The following IFT56 variants were observed in gnomAD, a reference collection of about 807,000 sequenced individuals.
The protein encoded by IFT56 is intraflagellar transport 56, also known as intraflagellar transport protein 56.
the IFT56 span, among the ~76,000 whole-genome samples, chr7:139,187,142 T>G: frequency 6.7e-6 from 1 of 148,308 alleles, no homozygotes; most frequent in Non-Finnish European, 1.5e-5. Context: ...TGTAGCATAA[T>G]TTGACTCTAT....
At chr7:139,169,470 G>T in the IFT56 span, 2 of 877,060 alleles carry the variant, frequency 2.3e-6, no homozygotes, top group Non-Finnish European at 1.8e-6. Context: ...TATAAAGTGG[G>T]AGGTCAGAAA....
At chr7:139,157,139 CTTTTTTTTTTT>C in the IFT56 span, among the ~76,000 whole-genome samples, 166 of 82,142 alleles carry the variant, frequency 2.0e-3, 1 homozygote, top group African/African-American at 6.4e-3. Flanking sequence ...TCTTTAATTT[CTTTTTTTTTTT>C]TTTTTTTTTT....
At chr7:139,134,788 T>G in the IFT56 span, 1 of 1,613,082 alleles carries the variant, frequency 6.2e-7, no homozygotes, top group Non-Finnish European at 8.5e-7. Flanking sequence ...ATTACCCTGT[T>G]GGAGGTAATG....
the IFT56 span, chr7:139,174,270 G>A: frequency 1.7e-6 from 1 of 575,332 alleles, no homozygotes; most frequent in Non-Finnish European, 3.5e-6. Flanking sequence ...TAACAATCTG[G>A]GTCTGACGGC....
the IFT56 span, among the ~76,000 whole-genome samples, chr7:139,180,025 A>C: frequency 2.0e-5 from 3 of 152,240 alleles, no homozygotes; most frequent in Non-Finnish European, 4.4e-5. Flanking sequence ...AATGTCAAAA[A>C]TGTAATTTTT....
At chr7:139,188,288 G>A in the IFT56 span, among the ~76,000 whole-genome samples, 1 of 151,312 alleles carries the variant, frequency 6.6e-6, no homozygotes, top group Admixed American at 6.6e-5. Context: ...TTTAGTAGGG[G>A]CAGGGTTTCA....
the IFT56 span, chr7:139,173,062 T>A: frequency 1.4e-5 from 10 of 732,588 alleles, no homozygotes; most frequent in South Asian, 1.4e-4. Context: ...CAACTCAGCT[T>A]TGCGCCTTTT....
the IFT56 span, among the ~76,000 whole-genome samples, chr7:139,153,123 C>G: frequency 6.9e-6 from 1 of 143,996 alleles, no homozygotes; most frequent in East Asian, 2.1e-4. Flanking sequence ...CACTCCAGCC[C>G]GAGCAACGGA....
At chr7:139,155,140 A>G in the IFT56 span, among the ~76,000 whole-genome samples, 3 of 152,210 alleles carry the variant, frequency 2.0e-5, no homozygotes, top group Non-Finnish European at 4.4e-5. Context: ...GCAAGAGAAT[A>G]GAAGTACTAC....
the IFT56 span, among the ~76,000 whole-genome samples, chr7:139,147,971 G>T: frequency 6.6e-6 from 1 of 152,116 alleles, no homozygotes; most frequent in Non-Finnish European, 1.5e-5. Flanking sequence ...TAGTTTTTCA[G>T]TGTGAACAGC....
At chr7:139,153,810 A>G in the IFT56 span, among the ~76,000 whole-genome samples, 1 of 152,024 alleles carries the variant, frequency 6.6e-6, no homozygotes, top group East Asian at 1.9e-4. Flanking sequence ...TTTTTGTGTA[A>G]GTTTTTGTTT....
the IFT56 span, chr7:139,147,216 G>C: frequency 6.2e-7 from 1 of 1,613,558 alleles, no homozygotes; most frequent in Non-Finnish European, 8.5e-7. Flanking sequence ...AACTCAGTTT[G>C]GCCTCAATCC....
the IFT56 span, among the ~76,000 whole-genome samples, chr7:139,170,547 C>T: frequency 0.26 from 39,420 of 152,030 alleles, 9,394 homozygotes; most frequent in African/African-American, 0.61. Flanking sequence ...AAGAATGGTC[C>T]AACATATGCA....
chr7:139,169,458 A>G, the IFT56 span: 1 of 993,252 alleles, frequency 1.0e-6, no homozygotes, highest in South Asian at 1.5e-5. Flanking sequence ...TAGGCTTCAC[A>G]TTATAAAGTG....
chr7:139,160,490 C>T, the IFT56 span, among the ~76,000 whole-genome samples: 14 of 149,272 alleles, frequency 9.4e-5, no homozygotes, highest in East Asian at 2.0e-4. Flanking sequence ...AATGCAGTGG[C>T]GCAATCTTGG....
chr7:139,156,664 G>A, the IFT56 span, among the ~76,000 whole-genome samples: 50 of 152,198 alleles, frequency 3.3e-4, no homozygotes, highest in Non-Finnish European at 6.2e-4. Context: ...GTAGACTGAA[G>A]CAGAGGTCAA....
At chr7:139,149,464 T>C in the IFT56 span, among the ~76,000 whole-genome samples, 3 of 152,000 alleles carry the variant, frequency 2.0e-5, 1 homozygote, top group South Asian at 4.1e-4. Context: ...ACCTCTTATT[T>C]TGGCCCTTTA....
At chr7:139,140,781 A>AAG in the IFT56 span, among the ~76,000 whole-genome samples, 1 of 116,060 alleles carries the variant, frequency 8.6e-6, no homozygotes, top group African/African-American at 4.8e-5. Context: ...ACCTCAAAAA[A>AAG]AAAAAAAAAA....
chr7:139,147,692 T>C, the IFT56 span, among the ~76,000 whole-genome samples: 1 of 152,258 alleles, frequency 6.6e-6, no homozygotes, highest in Admixed American at 6.5e-5. Flanking sequence ...ATGGTCTAGA[T>C]GTATCAAACT....
Sources: allele counts gnomAD v4.1 joint callset (sites outside exome capture counted in the v4.1 genomes callset), GRCh38; gene constraint gnomAD v4.1.1; transcripts MANE v1.5; gene names NCBI Gene and HGNC (gene_info 2026-07-23, HGNC 2026-07-21).